Variants in COL23A1 observed in about 807,000 individuals in gnomAD.
COL23A1 encodes the protein collagen type XXIII alpha 1 chain.
In COL23A1, 97 loss-of-function variants were observed where a neutral mutation model predicts 99.3. That is an observed-to-expected ratio of 0.98 (90% CI 0.83 to 1.16). The LOEUF is 1.16. Among genes scored for constraint, COL23A1 ranks in the 50% most tolerant of loss-of-function variants. The pLI, the probability that COL23A1 is intolerant of heterozygous loss-of-function variation, is 0.00. For missense variants in COL23A1, 762 were observed against 757.4 expected (o/e 1.01, Z -0.07); for synonymous variants, 320 against 308.2 (o/e 1.04, Z -0.40).
At position 178,376,277 on chromosome 5, in the gene COL23A1, T is replaced by C. The variant is rs78108355; in HGVS notation, c.362-69358A>G. On this transcript the variant is annotated intron_variant, in intron 2 of 28. Coordinates refer to ENST00000390654, the MANE Select transcript of COL23A1 (RefSeq NM_173465.4). ...ATCCGGGTTTCCGTCTGTTTTGTTA[T>C]TTAGGTATTCTCTGCTATTGGTTGG... 6.9e-3 allele frequency among the ~76,000 whole-genome samples: 1,056 copies of C among 152,352 alleles called. 13 individuals are homozygous for C. The highest frequency in any genetic ancestry group is 0.024 in the African/African-American group (1,007 of 41,580).
rs575709916 is a variant in COL23A1, at chr5:178,482,829, G to C, written c.361+77853C>G. Among the ~76,000 whole-genome samples, 470 of 152,306 alleles carry C rather than the reference G, an allele frequency of 3.1e-3. 2 individuals are homozygous for C. Among genetic ancestry groups the C allele is most frequent in the African/African-American group, 1.0e-2 (414 of 41,568 alleles). ...AGGCAGGAGAATGGTGTGAGCCTGG[G>C]AGGCAGAGCTTGCAGTGAGCAGAGA... On this transcript the variant is annotated intron_variant, in intron 2 of 28. Coordinates refer to ENST00000390654, the MANE Select transcript of COL23A1 (RefSeq NM_173465.4).
intron 2 of COL23A1, among the ~76,000 whole-genome samples, chr5:178,560,053 T>G (rs1288282654): frequency 6.6e-6 from 1 of 152,206 alleles, no homozygotes; most frequent in East Asian, 1.9e-4. Context: ...CCATGGCCTG[T>G]GCAAAGCTCC....
intron 2 of COL23A1, among the ~76,000 whole-genome samples, chr5:178,358,302 A>ATGTATGTG (rs1190137859): frequency 2.3e-5 from 3 of 128,524 alleles, no homozygotes; most frequent in African/African-American, 9.8e-5. Flanking sequence ...ATATGTATGT[A>ATGTATGTG]TGTATGTGTG....
chr5:178,439,809 A>G lies in COL23A1; in HGVS notation c.361+120873T>C, dbSNP rs983128176. On this transcript the variant is annotated intron_variant, in intron 2 of 28. Coordinates refer to ENST00000390654, the MANE Select transcript of COL23A1 (RefSeq NM_173465.4). This position sits in a 1 kb window ranked among gnomAD's most constrained non-coding sequence, Gnocchi z 4.2. ...ACTGGAAACAATCCAAGCATCCATC[A>G]TCTGGCAAATGGAGAAACTACAGTG... 35 of 152,404 alleles carry G rather than the reference A, an allele frequency of 2.3e-4. No individual in the cohort carries two copies. The highest frequency in any genetic ancestry group is 7.7e-4 in the African/African-American group (32 of 41,594). 9.4% of individuals were successfully genotyped at this position (152,404 alleles called of 1,614,324 possible).
rs536306999 is a variant in COL23A1 at position 178,247,778 on chromosome 5, C to CGGGCCTGGG, written c.1257_1265dup (p.Pro420_Pro422dup). The CGGGCCTGGG allele has an allele frequency of 1.4e-5, 23 of 1,613,220 alleles. No individual in the cohort carries two copies. The highest frequency in any genetic ancestry group is 4.0e-5 in the African/African-American group (3 of 74,854). On this transcript the variant is annotated inframe_insertion, in exon 21 of 29. Coordinates refer to ENST00000390654, the MANE Select transcript of COL23A1 (RefSeq NM_173465.4). Reference sequence around the variant, plus strand: ...AACCAAAGCAAACCGTCCTTACCATCGGGCCTGGGGGGCCAGGGGGGCCAG... The same window carrying CGGGCCTGGG: ...AACCAAAGCAAACCGTCCTTACCATCGGGCCTGGGGGGCCTGGGGGGCCAGGGGGGCCAG...
At position 178,462,129 on chromosome 5, in the gene COL23A1, C is replaced by G. The variant is rs192308684; in HGVS notation, c.361+98553G>C. The stretch of plus-strand genomic sequence containing the variant: ...GAGGAGGGGCTTGTGATATAAGTAG[C>G]CATCTACTCAACATTTCCTCTGTGC... On this transcript the variant is annotated intron_variant, in intron 2 of 28. Transcript: ENST00000390654. Among the ~76,000 whole-genome samples, 312 of 152,302 alleles carry G rather than the reference C, an allele frequency of 2.0e-3. 2 individuals carry two copies. Among genetic ancestry groups the G allele is most frequent in the African/African-American group, 7.3e-3 (303 of 41,540 alleles).
chr5:178,431,350 C>T (rs1055565841), intron 2 of COL23A1, among the ~76,000 whole-genome samples: 2 of 152,156 alleles, frequency 1.3e-5, no homozygotes, highest in African/African-American at 4.8e-5. Context: ...ACACAGCTGC[C>T]ATGGTGAAGT....
intron 2 of COL23A1, among the ~76,000 whole-genome samples, chr5:178,522,558 A>C (rs941662305): frequency 2.6e-5 from 4 of 152,090 alleles, no homozygotes; most frequent in African/African-American, 9.7e-5. Context: ...CGAGATTGTG[A>C]CGAGCCGGTG....
chr5:178,261,352 T>C (rs1765613297), intron 11 of COL23A1, among the ~76,000 whole-genome samples: 1 of 151,954 alleles, frequency 6.6e-6, no homozygotes, highest in African/African-American at 2.4e-5. Flanking sequence ...AGGTGGAGGC[T>C]GCAGTGAGCT....
chr5:178,266,996 TG>T, intron 8 of COL23A1, among the ~76,000 whole-genome samples: 1 of 152,298 alleles, frequency 6.6e-6, no homozygotes, highest in East Asian at 1.9e-4. Context: ...TCCCTCTTTT[TG>T]GGGTGCCAGC....
chr5:178,557,745 C>A (rs1479794003), intron 2 of COL23A1, among the ~76,000 whole-genome samples: 1 of 152,160 alleles, frequency 6.6e-6, no homozygotes, highest in Non-Finnish European at 1.5e-5. Context: ...AGCCTTGGAG[C>A]CTTGGAGCCG....
intron 5 of COL23A1, among the ~76,000 whole-genome samples, chr5:178,287,429 G>A (rs1309417937): frequency 2.6e-5 from 4 of 152,222 alleles, no homozygotes; most frequent in Non-Finnish European, 5.9e-5. Context: ...CATTCACAGA[G>A]CAGGAAATTG....
At chr5:178,541,585 G>C (rs1035946102) in intron 2 of COL23A1, among the ~76,000 whole-genome samples, 4 of 152,080 alleles carry the variant, frequency 2.6e-5, no homozygotes, top group Non-Finnish European at 5.9e-5. Context: ...AGAAGATTTG[G>C]AACTATTTAC....
At chr5:178,329,867 G>A (rs1759909131) in intron 2 of COL23A1, among the ~76,000 whole-genome samples, 1 of 152,004 alleles carries the variant, frequency 6.6e-6, no homozygotes. Context: ...AACCCGGGAG[G>A]CGGAGGTTGC....
At chr5:178,266,618 G>A (rs1755918071) in intron 8 of COL23A1, among the ~76,000 whole-genome samples, 1 of 152,138 alleles carries the variant, frequency 6.6e-6, no homozygotes, top group South Asian at 2.1e-4. Context: ...CTCAGCATGA[G>A]CGCCCTTTCT....
intron 1 of COL23A1, among the ~76,000 whole-genome samples, chr5:178,578,455 G>A (rs559951500): frequency 4.6e-5 from 7 of 152,330 alleles, no homozygotes; most frequent in East Asian, 3.9e-4. Flanking sequence ...GCAAAAAGGC[G>A]CAGTTAAAGC....
At chr5:178,386,290 T>G (rs1181837507) in intron 2 of COL23A1, among the ~76,000 whole-genome samples, 6 of 151,920 alleles carry the variant, frequency 3.9e-5, no homozygotes, top group Non-Finnish European at 7.4e-5. Flanking sequence ...ATACAAAAAA[T>G]TAGCCAGGCA....
chr5:178,368,510 C>T (rs906494051), intron 2 of COL23A1, among the ~76,000 whole-genome samples: 2 of 152,118 alleles, frequency 1.3e-5, no homozygotes, highest in Admixed American at 6.5e-5. Flanking sequence ...TGGGTTTGGA[C>T]GACTGTGTAA....
chr5:178,574,652 G>T (rs1240527261), intron 1 of COL23A1, among the ~76,000 whole-genome samples: 1 of 152,238 alleles, frequency 6.6e-6, no homozygotes, highest in Non-Finnish European at 1.5e-5. Flanking sequence ...CTGTGAGAGA[G>T]AAGCTTACTC....
Sources: gnomAD v4.1 joint callset for allele counts (sites outside exome capture counted in the v4.1 genomes callset) on GRCh38, gnomAD v4.1.1 for gene constraint, Gnocchi (gnomAD v3.1) non-coding constraint, MANE v1.5 for transcripts, NCBI Gene and HGNC (gene_info 2026-07-23, HGNC 2026-07-21) for gene names.